Variants in DSCAM observed in about 807,000 individuals in gnomAD.
DSCAM encodes the protein DS cell adhesion molecule.
In DSCAM, 47 loss-of-function variants were observed where a neutral mutation model predicts 217.7. The observed-to-expected ratio is 0.22, with a 90% confidence interval of 0.17 to 0.28. DSCAM has a LOEUF of 0.28. DSCAM is among the 10% of genes least tolerant of loss of function. The pLI, the probability that DSCAM is intolerant of heterozygous loss-of-function variation, is 1.00. For missense variants in DSCAM, 2,080 were observed against 2,618.3 expected (o/e 0.79, Z 4.49); for synonymous variants, 1,056 against 1,015.3 (o/e 1.04, Z -0.76).
At chr21:40,402,099 G>A (rs12483127) in intron 3 of DSCAM, among the ~76,000 whole-genome samples, 188 of 111,114 alleles carry the variant, frequency 1.7e-3, no homozygotes, top group African/African-American at 2.0e-3. Context: ...TCGCTCTGTC[G>A]CCCGGGCTGG....
chr21:40,623,371 A>C, intron 3 of DSCAM, among the ~76,000 whole-genome samples: 1 of 152,238 alleles, frequency 6.6e-6, no homozygotes, highest in East Asian at 1.9e-4. Flanking sequence ...TGATGTAGCA[A>C]AAATTGTGAT....
intron 3 of DSCAM, among the ~76,000 whole-genome samples, chr21:40,682,646 A>C: frequency 1.7e-5 from 1 of 57,472 alleles, no homozygotes; most frequent in Admixed American, 2.3e-4. Flanking sequence ...AGAAAGAGGA[A>C]GGGAAGGGAA....
intron 3 of DSCAM, among the ~76,000 whole-genome samples, chr21:40,597,466 T>C (rs1009777582): frequency 2.0e-5 from 3 of 151,644 alleles, no homozygotes; most frequent in Non-Finnish European, 4.4e-5. Flanking sequence ...CGGTTTTTTT[T>C]TTTTTTTTAA....
intron 3 of DSCAM, among the ~76,000 whole-genome samples, chr21:40,533,914 C>A (rs891449262): frequency 6.6e-5 from 10 of 152,152 alleles, no homozygotes; most frequent in South Asian, 4.1e-4. Context: ...AAAGGAAATC[C>A]ATTTGATTTT....
intron 1 of DSCAM, among the ~76,000 whole-genome samples, chr21:40,764,891 G>A (rs1319668289): frequency 1.3e-5 from 2 of 152,104 alleles, no homozygotes; most frequent in African/African-American, 2.4e-5. Flanking sequence ...ACAAGTGGGA[G>A]TTGAACAATG....
At chr21:40,251,180 C>T (rs112757835) in intron 11 of DSCAM, among the ~76,000 whole-genome samples, 11 of 152,222 alleles carry the variant, frequency 7.2e-5, no homozygotes, top group African/African-American at 2.4e-4. Context: ...TACACAGTTA[C>T]TGGGCTGGCC....
intron 3 of DSCAM, among the ~76,000 whole-genome samples, chr21:40,635,073 T>C (rs962549693): frequency 1.3e-5 from 2 of 152,174 alleles, no homozygotes; most frequent in Admixed American, 6.5e-5. Context: ...TTAGTACTTC[T>C]GTGTTAAATG....
At chr21:40,106,693 T>C (rs1169851755) in intron 20 of DSCAM, among the ~76,000 whole-genome samples, 1 of 152,216 alleles carries the variant, frequency 6.6e-6, no homozygotes, top group Non-Finnish European at 1.5e-5. Flanking sequence ...CCTATTTCAG[T>C]CTTGGGAGAG....
At chr21:40,564,960 G>A (rs1364510146) in intron 3 of DSCAM, among the ~76,000 whole-genome samples, 12 of 152,178 alleles carry the variant, frequency 7.9e-5, no homozygotes, top group Non-Finnish European at 1.2e-4. Flanking sequence ...AGAGGCCCAG[G>A]TGGGATGGGC....
intron 3 of DSCAM, among the ~76,000 whole-genome samples, chr21:40,660,710 T>C (rs2090129658): frequency 6.6e-6 from 1 of 152,164 alleles, no homozygotes; most frequent in South Asian, 2.1e-4. Context: ...CTGAAACACA[T>C]ACAGCCCCTG....
chr21:40,454,909 G>C (rs571166511), intron 3 of DSCAM, among the ~76,000 whole-genome samples: 1 of 152,302 alleles, frequency 6.6e-6, no homozygotes, highest in Non-Finnish European at 1.5e-5. Flanking sequence ...GTGAGGCAGA[G>C]GTCCTCAGAA....
chr21:40,455,545 T>C (rs564892994), intron 3 of DSCAM, among the ~76,000 whole-genome samples: 1 of 152,216 alleles, frequency 6.6e-6, no homozygotes, highest in Admixed American at 6.5e-5. Context: ...GGCTGGTGAA[T>C]CACTTGAGGT....
chr21:40,108,085 C>T (rs1045093302), intron 20 of DSCAM, among the ~76,000 whole-genome samples: 10 of 152,118 alleles, frequency 6.6e-5, no homozygotes, highest in Admixed American at 5.9e-4. Context: ...GGAAGTATTC[C>T]CCTTGAAAAC....
chr21:40,603,925 C>CTTTTTTTTTTTT (rs3070814), intron 3 of DSCAM, among the ~76,000 whole-genome samples: 3 of 97,322 alleles, frequency 3.1e-5, no homozygotes, highest in East Asian at 2.9e-4. Context: ...TTTTGCATTT[C>CTTTTTTTTTTTT]TTTTTTTTTT....
chr21:40,829,549 G>A (rs1377058694), intron 1 of DSCAM, among the ~76,000 whole-genome samples: 1 of 152,206 alleles, frequency 6.6e-6, no homozygotes, highest in Non-Finnish European at 1.5e-5. Context: ...TATAGTCTCT[G>A]AGACATGGGT....
intron 16 of DSCAM, among the ~76,000 whole-genome samples, chr21:40,162,042 T>A (rs1337610870): frequency 3.3e-5 from 5 of 152,128 alleles, no homozygotes; most frequent in Admixed American, 3.3e-4. Flanking sequence ...ATAACATGAG[T>A]TTGCAAGGAA....
chr21:40,086,602 TAG>T (rs939981656), intron 22 of DSCAM, among the ~76,000 whole-genome samples: 4 of 152,212 alleles, frequency 2.6e-5, no homozygotes, highest in Non-Finnish European at 4.4e-5. Context: ...TTCTCCTGAA[TAG>T]AGATATAGCA....
chr21:40,814,004 C>T (rs73903025), intron 1 of DSCAM, among the ~76,000 whole-genome samples: 2,568 of 152,164 alleles, frequency 0.017, 55 homozygotes, highest in African/African-American at 0.057. Context: ...GAGGCAGGCT[C>T]GATTCCCTGA....
chr21:40,322,676 C>G (rs1479171108), intron 8 of DSCAM, among the ~76,000 whole-genome samples: 2 of 152,004 alleles, frequency 1.3e-5, no homozygotes, highest in African/African-American at 4.8e-5. Flanking sequence ...AGGTGCCCGC[C>G]ATTACACCTG....
Sources: allele counts gnomAD v4.1 joint callset (sites outside exome capture counted in the v4.1 genomes callset), GRCh38; gene constraint gnomAD v4.1.1; transcripts MANE v1.5; gene names NCBI Gene and HGNC (gene_info 2026-07-23, HGNC 2026-07-21).